Variants in DOCK11 observed in about 807,000 individuals in gnomAD.
DOCK11 encodes the protein dedicator of cytokinesis 11.
Under a neutral mutation model 169.1 loss-of-function variants are expected in DOCK11, and 70 were observed. The ratio of observed to expected loss-of-function variants is 0.41; its 90% CI spans 0.34 to 0.51. DOCK11 has a LOEUF of 0.51. Among genes scored for constraint, DOCK11 ranks in the 20% least tolerant of loss-of-function variants. DOCK11 has a pLI of 0.10. For missense variants in DOCK11, 1,166 were observed against 1,538.8 expected (o/e 0.76, Z 4.05); for synonymous variants, 529 against 541.3 (o/e 0.98, Z 0.32).
At chrX:118,627,943 T>C (rs749045756) in intron 33 of DOCK11, among the ~76,000 whole-genome samples, 2 of 112,463 alleles carry the variant, frequency 1.8e-5, no homozygotes, top group Non-Finnish European at 3.8e-5. Context: ...CCAAGGAATT[T>C]CTTGTCATTT....
rs2057674753 is a variant in DOCK11 at position 118,515,199 on chromosome X, A to G, written c.102+19126A>G. On this transcript the variant is annotated intron_variant, in intron 1 of 52. Coordinates refer to ENST00000276202, the MANE Select transcript of DOCK11 (RefSeq NM_144658.4). ...TTTAGAGTCCACCCCAATAATCCGG[A>G]TGCGCTCTTCATCTCAAGATCCTTA... Among the ~76,000 whole-genome samples, 4 of 111,565 alleles carry G rather than the reference A, an allele frequency of 3.6e-5. No homozygotes were observed. In the Admixed American group the frequency reaches 3.8e-4, roughly 11 times the overall value.
At chrX:118,642,538 T>C (rs966773545) in intron 39 of DOCK11, among the ~76,000 whole-genome samples, 1 of 112,022 alleles carries the variant, frequency 8.9e-6, no homozygotes, top group African/African-American at 3.2e-5. Context: ...ATGTAGATAC[T>C]GTTATTATTC....
At chrX:118,500,701 GC>G (rs1228142128) in intron 1 of DOCK11, among the ~76,000 whole-genome samples, 3 of 110,525 alleles carry the variant, frequency 2.7e-5, no homozygotes, top group East Asian at 5.7e-4. Flanking sequence ...GCTCACTGCA[GC>G]TTTGACCTTT....
At chrX:118,529,214 C>A (rs1255308621) in intron 1 of DOCK11, among the ~76,000 whole-genome samples, 2 of 111,122 alleles carry the variant, frequency 1.8e-5, no homozygotes, top group Non-Finnish European at 3.8e-5. Flanking sequence ...AAACTCCTGA[C>A]CTTGTGATCC....
intron 30 of DOCK11, chrX:118,616,187 T>G (rs1362497427): frequency 1.1e-6 from 1 of 946,414 alleles, no homozygotes; most frequent in African/African-American, 2.0e-5. Context: ...CCTTTTCTTT[T>G]CATATATTAA....
chrX:118,498,813 A>G (rs12558710), intron 1 of DOCK11, among the ~76,000 whole-genome samples: 27,956 of 109,470 alleles, frequency 0.26, 3,284 homozygotes, highest in Middle Eastern at 0.41. Flanking sequence ...GCCTGTTGCT[A>G]ACATCATTCA....
chrX:118,516,583 A>G (rs1037470552), intron 1 of DOCK11, among the ~76,000 whole-genome samples: 4 of 109,352 alleles, frequency 3.7e-5, no homozygotes, highest in African/African-American at 1.3e-4. Context: ...CTGGGAGTGC[A>G]CTACCATGCC....
intron 1 of DOCK11, among the ~76,000 whole-genome samples, chrX:118,529,225 G>A (rs971655303): frequency 5.4e-5 from 6 of 111,079 alleles, no homozygotes; most frequent in South Asian, 3.7e-4. Flanking sequence ...CTTGTGATCC[G>A]CCTGCCTTGG....
intron 24 of DOCK11, among the ~76,000 whole-genome samples, chrX:118,606,969 C>T (rs996583203): frequency 9.1e-6 from 1 of 110,041 alleles, no homozygotes; most frequent in East Asian, 2.8e-4. Context: ...ACACCTGCCC[C>T]GGCTCTCCCT....
chrX:118,583,266 C>T (rs766977047), intron 14 of DOCK11, among the ~76,000 whole-genome samples: 2 of 109,975 alleles, frequency 1.8e-5, no homozygotes, highest in Non-Finnish European at 3.8e-5. Flanking sequence ...CATCACACAC[C>T]GGAGCCTTTC....
At chrX:118,617,695 C>G (rs1167764360) in intron 30 of DOCK11, among the ~76,000 whole-genome samples, 1 of 110,015 alleles carries the variant, frequency 9.1e-6, no homozygotes, top group Non-Finnish European at 1.9e-5. Context: ...TCCTGGCCAA[C>G]ATGGTGAAAC....
At position 118,574,014 on chromosome X, in the gene DOCK11, A is replaced by G. The variant is rs1281062806; in HGVS notation, c.1385A>G (p.Gln462Arg). Residue 462 changes from glutamine (Q) to arginine (R), a missense_variant, in exon 12 of 53, where the codon CAA becomes CGA. Coordinates refer to ENST00000276202, the MANE Select transcript of DOCK11 (RefSeq NM_144658.4). ...GIAESQLRYI[Q>R]QGIFSVTNPH... Reference sequence around the variant, plus strand: ...GCCGAATCTCAGTTACGCTACATACAACAGGTAACGAATGACCTTTAGTCT... The same window carrying G: ...GCCGAATCTCAGTTACGCTACATACGACAGGTAACGAATGACCTTTAGTCT... 1 of 1,205,429 alleles carries G rather than the reference A, an allele frequency of 8.3e-7. No individual in the cohort carries two copies. Among genetic ancestry groups the G allele is most frequent in the African/African-American group, 1.7e-5 (1 of 57,166 alleles).
chrX:118,509,839 C>G, intron 1 of DOCK11, among the ~76,000 whole-genome samples: 1 of 112,315 alleles, frequency 8.9e-6, no homozygotes, highest in Non-Finnish European at 1.9e-5. Flanking sequence ...ATTGCCTGGT[C>G]TCTTCCAGCT....
At chrX:118,580,787 A>G (rs866056088) in intron 14 of DOCK11, among the ~76,000 whole-genome samples, 1 of 112,143 alleles carries the variant, frequency 8.9e-6, no homozygotes, top group Non-Finnish European at 1.9e-5. Flanking sequence ...GAATTTTTTC[A>G]GAAAAGCAGA....
intron 28 of DOCK11, among the ~76,000 whole-genome samples, chrX:118,613,675 G>C (rs2014739486): frequency 8.9e-6 from 1 of 112,347 alleles, no homozygotes; most frequent in South Asian, 3.6e-4. Context: ...ATCTCGAGGG[G>C]ATAATAAGTG....
intron 1 of DOCK11, among the ~76,000 whole-genome samples, chrX:118,521,391 T>C (rs2011264169): frequency 8.9e-6 from 1 of 112,730 alleles, no homozygotes; most frequent in Non-Finnish European, 1.9e-5. Flanking sequence ...CTATTATTAT[T>C]CATCAATTCA....
intron 35 of DOCK11, 137 bp from the exon 36 acceptor site, chrX:118,636,209 G>A: frequency 3.1e-6 from 1 of 319,709 alleles, no homozygotes; most frequent in Non-Finnish European, 5.7e-6. Context: ...TGCGCAGTGG[G>A]AGGGGAGAGG....
At chrX:118,545,476 T>G (rs2012236430) in intron 5 of DOCK11, 84 bp downstream of exon 5, 1 of 688,979 alleles carries the variant, frequency 1.5e-6, no homozygotes, top group African/African-American at 2.3e-5. Flanking sequence ...GGGAATTTCT[T>G]GAGAAAATAT....
At chrX:118,544,974 GTTGC>G (rs2012208936) in intron 4 of DOCK11, among the ~76,000 whole-genome samples, 1 of 109,222 alleles carries the variant, frequency 9.2e-6, no homozygotes, top group Non-Finnish European at 1.9e-5. Flanking sequence ...CCTGGCCTGT[GTTGC>G]TTTTTGACCC....
Sources: gnomAD v4.1 joint callset for allele counts (sites outside exome capture counted in the v4.1 genomes callset) on GRCh38, gnomAD v4.1.1 for gene constraint, MANE v1.5 for transcripts, NCBI Gene and HGNC (gene_info 2026-07-23, HGNC 2026-07-21) for gene names.